Variants in SPTLC3 observed in about 807,000 individuals in gnomAD.
SPTLC3 encodes serine palmitoyltransferase long chain base subunit 3.
Under a neutral mutation model 59.3 loss-of-function variants are expected in SPTLC3, and 36 were observed. The observed-to-expected ratio is 0.61, with a 90% confidence interval of 0.47 to 0.80. The LOEUF is 0.80. SPTLC3 is among the 30% of genes least tolerant of loss of function. The probability of loss-of-function intolerance (pLI) is 0.00; values close to 1 mark genes in which losing one functional copy is unlikely to be tolerated. For synonymous variants in SPTLC3, 257 were observed against 240.8 expected (o/e 1.07, Z -0.62); for missense variants, 625 against 685.1 (o/e 0.91, Z 0.98).
At chr20:13,164,579 T>G (rs2038959724) in intron 11 of SPTLC3, 175 bp from the exon 12 acceptor site, 3 of 611,938 alleles carry the variant, frequency 4.9e-6, no homozygotes, top group Admixed American at 2.9e-5. Context: ...CTAACATTCC[T>G]CTAGGGTCTT....
In SPTLC3 at chr20:13,153,994, T is replaced by G. The variant is rs746714241; in HGVS notation, c.1280-9T>G. 3.6e-5 allele frequency: 58 copies of G among 1,613,048 alleles called. No homozygotes were observed. The highest frequency in any genetic ancestry group is 3.3e-4 in the Middle Eastern group (2 of 6,044). ...GGAATTGATGGATTTCACGCCTGTCTCTTTTCAGGGCTGCAGAGAGTACAG... is the reference window on the plus strand; with the variant it reads ...GGAATTGATGGATTTCACGCCTGTCGCTTTTCAGGGCTGCAGAGAGTACAG... On this transcript the variant is annotated splice_polypyrimidine_tract_variant and intron_variant, in intron 9 of 11. Transcript: ENST00000399002.
chr20:13,068,970 T>A (rs905466723), intron 2 of SPTLC3, among the ~76,000 whole-genome samples: 2 of 152,166 alleles, frequency 1.3e-5, no homozygotes, highest in African/African-American at 4.8e-5. Flanking sequence ...AAATTCTGAA[T>A]CCCTGAGTCA....
intron 2 of SPTLC3, chr20:13,050,249 T>C (rs1464659580): frequency 6.6e-6 from 1 of 152,080 alleles, no homozygotes; most frequent in African/African-American, 2.4e-5. Flanking sequence ...CAATCAAAAA[T>C]TCAAGAAACT....
chr20:13,088,586 G>A (rs575820417), intron 4 of SPTLC3, among the ~76,000 whole-genome samples: 2 of 152,034 alleles, frequency 1.3e-5, no homozygotes, highest in South Asian at 4.2e-4. Flanking sequence ...GCCTCCCAAA[G>A]TGCTGGGATT....
intron 8 of SPTLC3, among the ~76,000 whole-genome samples, chr20:13,118,458 AAC>A (rs1373591689): frequency 0.02 from 3,007 of 150,020 alleles, 158 homozygotes; most frequent in African/African-American, 0.071. Context: ...GGAAAAAAAA[AAC>A]AAAAAAAAAC....
chr20:13,010,558 C>T (rs1985188403), intron 1 of SPTLC3, among the ~76,000 whole-genome samples: 2 of 152,152 alleles, frequency 1.3e-5, no homozygotes, highest in African/African-American at 4.8e-5. Flanking sequence ...TATCAGAAAC[C>T]TCAGAACTGG....
intron 7 of SPTLC3, among the ~76,000 whole-genome samples, chr20:13,116,693 TA>T (rs968385874): frequency 6.6e-6 from 1 of 152,054 alleles, no homozygotes. Context: ...TCATGAAAAA[TA>T]AAACAGTTAG....
chr20:13,164,574 A>G lies in SPTLC3; in HGVS notation c.1546-180A>G. The G allele has an allele frequency of 1.5e-5, 9 of 607,938 alleles. No homozygotes were observed. The South Asian group carries it at 1.8e-4, about 12-fold the overall frequency. 37.7% of individuals were successfully genotyped at this position (607,938 alleles called of 1,614,324 possible). On this transcript the variant is annotated intron_variant, in intron 11 of 11. Transcript: ENST00000399002. ...TAAATAAAATTAATTAGCATCTAAC[A>G]TTCCTCTAGGGTCTTAAACCACAAC... is the stretch of plus-strand genomic sequence containing the variant.
At chr20:13,061,914 C>T (rs1442258180) in intron 2 of SPTLC3, among the ~76,000 whole-genome samples, 2 of 152,160 alleles carry the variant, frequency 1.3e-5, no homozygotes, top group South Asian at 4.1e-4. Flanking sequence ...TTAACATCTT[C>T]CCATCTCCTT....
chr20:13,089,799 A>C (rs1394470675), intron 4 of SPTLC3, among the ~76,000 whole-genome samples: 8 of 148,886 alleles, frequency 5.4e-5, no homozygotes, highest in South Asian at 2.2e-4. Context: ...AAAAAAAAAA[A>C]AAAAACAAAA....
At chr20:13,098,292 T>C (rs1414309290) in intron 6 of SPTLC3, among the ~76,000 whole-genome samples, 2 of 152,152 alleles carry the variant, frequency 1.3e-5, no homozygotes, top group Non-Finnish European at 2.9e-5. Flanking sequence ...TTTGTCTTAA[T>C]TCAGGGAAAC....
intron 8 of SPTLC3, among the ~76,000 whole-genome samples, chr20:13,122,656 G>A (rs1026649643): frequency 1.1e-4 from 16 of 152,236 alleles, no homozygotes; most frequent in Middle Eastern, 3.2e-3. Flanking sequence ...AAATTTAAAT[G>A]TATTAATGCA....
chr20:13,036,015 C>T (rs1296515046), intron 1 of SPTLC3, among the ~76,000 whole-genome samples: 1 of 152,062 alleles, frequency 6.6e-6, no homozygotes, highest in African/African-American at 2.4e-5. Context: ...TCAGTCATAT[C>T]TAATTGACAT....
At chr20:13,028,645 T>C (rs1443886373) in intron 1 of SPTLC3, among the ~76,000 whole-genome samples, 1 of 152,176 alleles carries the variant, frequency 6.6e-6, no homozygotes, top group Non-Finnish European at 1.5e-5. Context: ...TAAAGTGTTA[T>C]AGACTAGTAT....
At chr20:13,136,626 A>G (rs1397548076) in intron 9 of SPTLC3, among the ~76,000 whole-genome samples, 1 of 146,076 alleles carries the variant, frequency 6.8e-6, no homozygotes, top group Non-Finnish European at 1.5e-5. Context: ...TATAATATAC[A>G]TATAAAAATT....
At chr20:13,066,038 G>A (rs1482510444) in intron 2 of SPTLC3, among the ~76,000 whole-genome samples, 3 of 152,186 alleles carry the variant, frequency 2.0e-5, no homozygotes, top group Admixed American at 2.0e-4. Context: ...TAATTGAAAC[G>A]TTGTACCCTT....
intron 1 of SPTLC3, among the ~76,000 whole-genome samples, chr20:13,030,761 T>C (rs56071184): frequency 0.02 from 3,048 of 152,116 alleles, 109 homozygotes; most frequent in African/African-American, 0.07. Context: ...CACACCCTCC[T>C]TACCATTCCT....
intron 6 of SPTLC3, among the ~76,000 whole-genome samples, chr20:13,097,104 C>A (rs1989444015): frequency 6.6e-6 from 1 of 152,064 alleles, no homozygotes; most frequent in African/African-American, 2.4e-5. Context: ...TCATCAGTGT[C>A]ACTAAGGGAC....
chr20:13,075,403 A>T (rs1211581823), intron 4 of SPTLC3, among the ~76,000 whole-genome samples: 2 of 152,240 alleles, frequency 1.3e-5, no homozygotes, highest in African/African-American at 4.8e-5. Context: ...ATTATGAACC[A>T]CATGTCCCTC....
Sources: allele counts gnomAD v4.1 joint callset (sites outside exome capture counted in the v4.1 genomes callset), GRCh38; gene constraint gnomAD v4.1.1; transcripts MANE v1.5; gene names NCBI Gene and HGNC (gene_info 2026-07-23, HGNC 2026-07-21).